The following PCDH15 variants were observed in gnomAD, a reference collection of about 807,000 sequenced individuals.
The protein encoded by PCDH15 is protocadherin related 15.
PCDH15 carries 129 observed loss-of-function variants against 178.5 expected under a neutral mutation model. That is an observed-to-expected ratio of 0.72 (90% CI 0.63 to 0.84). The LOEUF (loss-of-function observed/expected upper bound fraction) is 0.84, where lower values mean the gene tolerates loss of function less well. Ranked by LOEUF, PCDH15 falls within the 40% of genes least tolerant of loss-of-function variation. The pLI is 0.00. For synonymous variants in PCDH15, 800 were observed against 732.0 expected (o/e 1.09, Z -1.50); for missense variants, 2,230 against 2,099.9 (o/e 1.06, Z -1.21).
intron 3 of PCDH15, among the ~76,000 whole-genome samples, chr10:54,525,298 T>C (rs1348753207): frequency 6.6e-6 from 1 of 152,206 alleles, no homozygotes; most frequent in Non-Finnish European, 1.5e-5. Flanking sequence ...AAAGATTTGT[T>C]AGGCCTTTCT....
intron 3 of PCDH15, among the ~76,000 whole-genome samples, chr10:54,825,221 G>A (rs1417887939): frequency 6.6e-6 from 1 of 151,882 alleles, no homozygotes; most frequent in African/African-American, 2.4e-5. Context: ...TTTTATGGCT[G>A]CATAGTATTC....
chr10:55,485,725 A>G lies in PCDH15; in HGVS notation c.-156+141900T>C, dbSNP rs543922903. Among the ~76,000 whole-genome samples the G allele has an allele frequency of 2.5e-4, 38 of 151,756 alleles. No individual in the cohort carries two copies. The South Asian group carries it at 7.3e-3, about 29-fold the overall frequency. ...TTAGTATAGCCATTATGGAAAAACC[A>G]TATGGAGGTTCCTCAAAAAATTAAA... On this transcript the variant is annotated intron_variant, in intron 2 of 5. Transcript: ENST00000613346.
intron 2 of PCDH15, among the ~76,000 whole-genome samples, chr10:55,469,468 C>A (rs773690232): frequency 6.6e-6 from 1 of 151,954 alleles, no homozygotes; most frequent in Non-Finnish European, 1.5e-5. Context: ...CTAAACATTG[C>A]TGTTTCCCTT....
At chr10:54,716,712 C>T (rs1443145187) in intron 1 of PCDH15, among the ~76,000 whole-genome samples, 1 of 151,950 alleles carries the variant, frequency 6.6e-6, no homozygotes, top group Non-Finnish European at 1.5e-5. Context: ...TCAATGCCAT[C>T]CCCATCAAGC....
chr10:55,587,449 C>A (rs115871133), intron 2 of PCDH15, among the ~76,000 whole-genome samples: 3,217 of 151,922 alleles, frequency 0.021, 120 homozygotes, highest in African/African-American at 0.073. Context: ...TTTTTAGCTC[C>A]CTTCTATGAG....
intron 27 of PCDH15, among the ~76,000 whole-genome samples, chr10:53,863,824 T>C (rs2133119898): frequency 6.6e-6 from 1 of 152,246 alleles, no homozygotes; most frequent in Non-Finnish European, 1.5e-5. Context: ...AGGTACAGGC[T>C]TTAGATAAAA....
At chr10:54,880,807 A>G (rs1280819770) in intron 3 of PCDH15, among the ~76,000 whole-genome samples, 3 of 150,258 alleles carry the variant, frequency 2.0e-5, no homozygotes, top group Non-Finnish European at 4.4e-5. Context: ...GTTAAGTGGC[A>G]TATATAAAGG....
intron 3 of PCDH15, among the ~76,000 whole-genome samples, chr10:54,494,397 GC>G (rs1415414981): frequency 6.6e-6 from 1 of 151,922 alleles, no homozygotes; most frequent in Non-Finnish European, 1.5e-5. Flanking sequence ...TCACATTGTT[GC>G]CTCATAAATG....
At chr10:54,050,694 G>A (rs1315707409) in intron 18 of PCDH15, among the ~76,000 whole-genome samples, 1 of 151,918 alleles carries the variant, frequency 6.6e-6, no homozygotes, top group South Asian at 2.1e-4. Flanking sequence ...CTATATTTTT[G>A]ATGTATGTAT....
chr10:53,859,854 A>G (rs757328316), intron 27 of PCDH15, among the ~76,000 whole-genome samples: 5 of 152,154 alleles, frequency 3.3e-5, no homozygotes, highest in Non-Finnish European at 7.4e-5. Context: ...CTAGTGGAGG[A>G]TAGATTCAGC....
At chr10:54,819,517 C>A (rs919683941) in intron 3 of PCDH15, among the ~76,000 whole-genome samples, 8 of 151,832 alleles carry the variant, frequency 5.3e-5, no homozygotes, top group Non-Finnish European at 1.2e-4. Context: ...ATGATTTTGA[C>A]AACTTTTCTT....
intron 3 of PCDH15, among the ~76,000 whole-genome samples, chr10:54,472,216 T>C (rs2077965964): frequency 1.3e-5 from 2 of 151,970 alleles, no homozygotes; most frequent in South Asian, 4.1e-4. Context: ...TGTTTTAACA[T>C]GTTTCCCCTA....
At chr10:55,364,045 A>G (rs562148546) in intron 2 of PCDH15, among the ~76,000 whole-genome samples, 1 of 152,176 alleles carries the variant, frequency 6.6e-6, no homozygotes, top group South Asian at 2.1e-4. Context: ...GGTTTCCCCC[A>G]TGCTGTTCTC....
intron 1 of PCDH15, among the ~76,000 whole-genome samples, chr10:54,779,462 G>GTATATATATATACACATATATA (rs1171635780): frequency 2.6e-5 from 1 of 38,596 alleles, no homozygotes; most frequent in African/African-American, 6.4e-5. Flanking sequence ...TCATATATGT[G>GTATATATATATACACATATATA]TGTATATATA....
intron 10 of PCDH15, among the ~76,000 whole-genome samples, chr10:54,200,153 A>C: frequency 6.6e-6 from 1 of 152,086 alleles, no homozygotes; most frequent in African/African-American, 2.4e-5. Flanking sequence ...AGATTCAACA[A>C]TTTAAAAAAG....
chr10:55,080,537 G>A (rs978582905), intron 2 of PCDH15, among the ~76,000 whole-genome samples: 2 of 152,080 alleles, frequency 1.3e-5, no homozygotes, highest in Non-Finnish European at 2.9e-5. Flanking sequence ...CTCCAAATAA[G>A]GTGCCATCTG....
chr10:53,809,613 G>A (rs1162821530), intron 37 of PCDH15: 7 of 1,451,346 alleles, frequency 4.8e-6, no homozygotes, highest in South Asian at 1.3e-5. Context: ...CTTGTCCCAC[G>A]AAAGCTACGC....
chr10:55,398,839 A>C (rs910108767), intron 2 of PCDH15, among the ~76,000 whole-genome samples: 3 of 152,156 alleles, frequency 2.0e-5, no homozygotes, highest in African/African-American at 7.2e-5. Context: ...GTACTCAGTA[A>C]ATATTTGCTC....
chr10:54,395,767 T>A (rs1271800017), intron 3 of PCDH15, among the ~76,000 whole-genome samples: 1 of 152,188 alleles, frequency 6.6e-6, no homozygotes, highest in East Asian at 1.9e-4. Flanking sequence ...GAGTACCACA[T>A]TTTTCAATGC....
Sources: gnomAD v4.1 joint callset for allele counts (sites outside exome capture counted in the v4.1 genomes callset) on GRCh38, gnomAD v4.1.1 for gene constraint, MANE v1.5 for transcripts, NCBI Gene and HGNC (gene_info 2026-07-23, HGNC 2026-07-21) for gene names.